Variants in TTC7A observed in about 807,000 individuals in gnomAD.
The protein encoded by TTC7A is tetratricopeptide repeat protein 7A.
A neutral mutation model predicts 103.7 loss-of-function variants in TTC7A; 110 were observed. That is an observed-to-expected ratio of 1.06 (90% CI 0.91 to 1.24). The LOEUF (loss-of-function observed/expected upper bound fraction) is 1.24. Ranked by LOEUF, TTC7A falls within the 50% of genes most tolerant of loss-of-function variation. TTC7A has a pLI of 0.00. For missense variants in TTC7A, 1,340 were observed against 1,116.3 expected (o/e 1.20, Z -2.86); for synonymous variants, 521 against 467.9 (o/e 1.11, Z -1.47).
chr2:46,962,781 C>T (rs1225013696), intron 3 of TTC7A, among the ~76,000 whole-genome samples: 1 of 152,200 alleles, frequency 6.6e-6, no homozygotes, highest in Non-Finnish European at 1.5e-5. Flanking sequence ...TGAAGAGTCC[C>T]CTCTGGGCTG....
intron 15 of TTC7A, among the ~76,000 whole-genome samples, chr2:47,038,407 T>G (rs1437620462): frequency 2.0e-5 from 3 of 152,186 alleles, no homozygotes; most frequent in Admixed American, 6.5e-5. Context: ...TGGGGACCAT[T>G]TACTATGCAG....
intron 4 of TTC7A, among the ~76,000 whole-genome samples, chr2:46,976,586 C>T (rs1459983891): frequency 2.0e-5 from 3 of 152,210 alleles, no homozygotes; most frequent in Admixed American, 6.5e-5. Flanking sequence ...AAGAGTCCAC[C>T]CCAGGCCAGG....
At chr2:47,023,310 CT>C in intron 12 of TTC7A, 97 bp from the exon 13 acceptor site, 1 of 1,330,010 alleles carries the variant, frequency 7.5e-7, no homozygotes, top group Non-Finnish European at 1.1e-6. Flanking sequence ...CTGGTGGGGC[CT>C]TTATCTGCAG....
In TTC7A at chr2:47,024,370, C is replaced by A; in HGVS notation, c.1641+11C>A. On this transcript the variant is annotated intron_variant, in intron 14 of 19. Transcript: ENST00000319190. ...GCCCTCGTCCGACAGGTGGGTTGTC[C>A]GTGTTCCTAACCCCCGGGTCCTCGG... 1 of 1,602,970 alleles carries A rather than the reference C, an allele frequency of 6.2e-7. No homozygotes were observed. The highest frequency in any genetic ancestry group is 1.7e-4 in the Middle Eastern group (1 of 6,026).
At chr2:46,958,130 G>A (rs975027706) in intron 3 of TTC7A, among the ~76,000 whole-genome samples, 2 of 152,130 alleles carry the variant, frequency 1.3e-5, no homozygotes, top group Admixed American at 6.5e-5. Context: ...AGGAGTGACT[G>A]TGACATCTGT....
chr2:47,012,785 G>A (rs942636480), intron 11 of TTC7A, among the ~76,000 whole-genome samples: 5 of 152,176 alleles, frequency 3.3e-5, no homozygotes, highest in Non-Finnish European at 7.3e-5. Flanking sequence ...GCACAAAGAG[G>A]CTGGGTGAAA....
At chr2:47,011,923 G>T (rs1449066214) in intron 11 of TTC7A, among the ~76,000 whole-genome samples, 2 of 152,266 alleles carry the variant, frequency 1.3e-5, no homozygotes, top group African/African-American at 4.8e-5. Flanking sequence ...CCTGCCCTGT[G>T]CTCCGCTGCC....
chr2:46,957,113 G>A (rs898109567), intron 3 of TTC7A, 106 bp downstream of exon 3: 11 of 1,431,940 alleles, frequency 7.7e-6, no homozygotes, highest in South Asian at 1.2e-5. Context: ...ACCCCTGGTA[G>A]TGCCCATGCC....
At chr2:47,008,352 G>T (rs542600199) in intron 10 of TTC7A, among the ~76,000 whole-genome samples, 5 of 152,296 alleles carry the variant, frequency 3.3e-5, no homozygotes, top group Admixed American at 3.3e-4. Context: ...GCTCCTAGAC[G>T]CTCTCCAGGC....
At chr2:46,967,623 T>G (rs1672976376) in intron 3 of TTC7A, among the ~76,000 whole-genome samples, 1 of 152,230 alleles carries the variant, frequency 6.6e-6, no homozygotes, top group African/African-American at 2.4e-5. Context: ...TTGTATTGTA[T>G]GTATGTATAT....
At chr2:47,048,538 A>G (rs1444317664) in intron 16 of TTC7A, among the ~76,000 whole-genome samples, 1 of 152,228 alleles carries the variant, frequency 6.6e-6, no homozygotes, top group Non-Finnish European at 1.5e-5. Context: ...AGCATTGCCA[A>G]GGGTCACAAA....
chr2:46,917,376 T>G, intron 2 of TTC7A: 1 of 589,674 alleles, frequency 1.7e-6, no homozygotes, highest in South Asian at 2.1e-5. Flanking sequence ...TTGGATTAGT[T>G]TGATCTAGTT....
chr2:46,920,282 G>A (rs2103799350), intron 2 of TTC7A, among the ~76,000 whole-genome samples: 1 of 152,084 alleles, frequency 6.6e-6, no homozygotes, highest in East Asian at 1.9e-4. Context: ...TGTTGTTGTT[G>A]TTTGGAGTTT....
intron 5 of TTC7A, among the ~76,000 whole-genome samples, chr2:46,981,683 G>T (rs903999574): frequency 6.6e-6 from 1 of 152,248 alleles, no homozygotes; most frequent in African/African-American, 2.4e-5. Context: ...TGGTGCCCTT[G>T]TATGGAGTGG....
chr2:46,919,802 C>T (rs1176947924), intron 2 of TTC7A, among the ~76,000 whole-genome samples: 1 of 152,238 alleles, frequency 6.6e-6, no homozygotes, highest in East Asian at 1.9e-4. Context: ...ACTTAATACA[C>T]TGCCACCAAA....
At chr2:47,014,731 C>G (rs1470225606) in intron 11 of TTC7A, among the ~76,000 whole-genome samples, 1 of 152,242 alleles carries the variant, frequency 6.6e-6, no homozygotes, top group Non-Finnish European at 1.5e-5. Flanking sequence ...CCCAGCCAAG[C>G]CCCATGAGCA....
Position 47,029,234 on chromosome 2 carries a change from C to G in TTC7A, c.1652C>G (p.Ala551Gly). The change falls in exon 15 of 20, where the codon GCC becomes GGC. Residue 551 changes from alanine (A) to glycine (G), a missense_variant. By Grantham distance (60) the Ala-to-Gly change is moderately conservative (BLOSUM62 0). Coordinates refer to ENST00000319190, the MANE Select transcript of TTC7A (RefSeq NM_020458.4). ...GGGTTCCTTCAACAGATCTCCAGTG[C>G]CATGGAGCAGCTGCAGGAGGCCCTG... ...QLALVRQISS[A>G]MEQLQEALKV... 1.2e-6 allele frequency: 2 copies of G among 1,613,768 alleles called. No homozygotes were observed. Among genetic ancestry groups the G allele is most frequent in the South Asian group, 2.2e-5 (2 of 91,082 alleles).
intron 15 of TTC7A, among the ~76,000 whole-genome samples, chr2:47,043,862 C>G (rs1682027407): frequency 6.6e-6 from 1 of 152,196 alleles, no homozygotes; most frequent in Non-Finnish European, 1.5e-5. Flanking sequence ...GATGCCAGCT[C>G]AGTTTTCATC....
intron 2 of TTC7A, among the ~76,000 whole-genome samples, chr2:46,954,913 G>T (rs1483279814): frequency 6.6e-6 from 1 of 152,052 alleles, no homozygotes; most frequent in African/African-American, 2.4e-5. Context: ...TATAAAACAT[G>T]CCCTGCATTG....
Sources: gnomAD v4.1 joint callset for allele counts (sites outside exome capture counted in the v4.1 genomes callset) on GRCh38, gnomAD v4.1.1 for gene constraint, MANE v1.5 for transcripts, NCBI Gene and HGNC (gene_info 2026-07-23, HGNC 2026-07-21) for gene names.